The following SLC24A3 variants were observed in gnomAD, a reference collection of about 807,000 sequenced individuals.
SLC24A3 encodes the protein sodium/potassium/calcium exchanger 3.
In SLC24A3, 28 loss-of-function variants were observed where a neutral mutation model predicts 75.8. The observed-to-expected ratio is 0.37, with a 90% CI of 0.27 to 0.51. The LOEUF (loss-of-function observed/expected upper bound fraction) is 0.51, where lower values mean the gene tolerates loss of function less well. SLC24A3 is among the 20% of genes least tolerant of loss of function. The pLI is 0.94. For missense variants in SLC24A3, 663 were observed against 847.8 expected (o/e 0.78, Z 2.71); for synonymous variants, 372 against 334.1 (o/e 1.11, Z -1.24).
chr20:19,711,681 C>T (rs1342255376), intron 15 of SLC24A3, among the ~76,000 whole-genome samples: 1 of 152,150 alleles, frequency 6.6e-6, no homozygotes, highest in East Asian at 1.9e-4. Flanking sequence ...CACTCTGTCG[C>T]CAGGCTGGAG....
At chr20:19,336,584 C>G (rs1985140435) in intron 2 of SLC24A3, among the ~76,000 whole-genome samples, 1 of 152,038 alleles carries the variant, frequency 6.6e-6, no homozygotes, top group Non-Finnish European at 1.5e-5. Flanking sequence ...CCAGGTTTCA[C>G]CATGTTGGCC....
intron 6 of SLC24A3, among the ~76,000 whole-genome samples, chr20:19,617,673 CTG>C (rs1422033046): frequency 1.3e-5 from 2 of 152,310 alleles, no homozygotes; most frequent in African/African-American, 2.4e-5. Context: ...GAGCCAGGGA[CTG>C]TTCCCAGTGG....
chr20:19,324,234 T>G (rs1984786528), intron 2 of SLC24A3, among the ~76,000 whole-genome samples: 1 of 152,194 alleles, frequency 6.6e-6, no homozygotes, highest in African/African-American at 2.4e-5. Flanking sequence ...AAGTGGATGT[T>G]GGGGGGCAAG....
At chr20:19,476,485 C>T (rs1467167949) in intron 2 of SLC24A3, among the ~76,000 whole-genome samples, 1 of 152,080 alleles carries the variant, frequency 6.6e-6, no homozygotes, top group Non-Finnish European at 1.5e-5. Flanking sequence ...AAACATGATC[C>T]ATGAAAGGAA....
chr20:19,245,311 C>A (rs1982455014), intron 1 of SLC24A3, among the ~76,000 whole-genome samples: 1 of 152,048 alleles, frequency 6.6e-6, no homozygotes, highest in South Asian at 2.1e-4. Flanking sequence ...TGGAAATTTT[C>A]TCTGAAATTC....
At chr20:19,290,805 A>G (rs561592840) in intron 2 of SLC24A3, among the ~76,000 whole-genome samples, 1 of 152,282 alleles carries the variant, frequency 6.6e-6, no homozygotes, top group South Asian at 2.1e-4. Flanking sequence ...AAACAGATGA[A>G]TAAAGGGAGA....
intron 16 of SLC24A3, among the ~76,000 whole-genome samples, chr20:19,718,008 C>G (rs1272789745): frequency 6.6e-6 from 1 of 152,206 alleles, no homozygotes; most frequent in East Asian, 1.9e-4. Context: ...TCCACTCTCT[C>G]AGCCATTACG....
At chr20:19,659,641 G>A (rs2032304664) in intron 7 of SLC24A3, among the ~76,000 whole-genome samples, 1 of 152,328 alleles carries the variant, frequency 6.6e-6, no homozygotes, top group South Asian at 2.1e-4. Context: ...GTTAGAGATG[G>A]CATCACCAGG....
At chr20:19,255,475 T>C (rs1982787226) in intron 1 of SLC24A3, among the ~76,000 whole-genome samples, 1 of 152,240 alleles carries the variant, frequency 6.6e-6, no homozygotes, top group Admixed American at 6.5e-5. Context: ...CCAGATGGAT[T>C]TCCATCTTTG....
intron 2 of SLC24A3, among the ~76,000 whole-genome samples, chr20:19,505,703 A>T (rs577811857): frequency 5.3e-4 from 80 of 152,294 alleles, no homozygotes; most frequent in Middle Eastern, 3.4e-3. Flanking sequence ...TGGGGTACTT[A>T]TACACCCACC....
chr20:19,653,508 G>T (rs114454978), intron 6 of SLC24A3, among the ~76,000 whole-genome samples: 3 of 152,212 alleles, frequency 2.0e-5, no homozygotes, highest in Non-Finnish European at 4.4e-5. Flanking sequence ...TCTGAAGGGC[G>T]GCAGCAGCCC....
At chr20:19,325,754 A>G (rs780251605) in intron 2 of SLC24A3, among the ~76,000 whole-genome samples, 35 of 60,398 alleles carry the variant, frequency 5.8e-4, no homozygotes, top group African/African-American at 3.8e-3. Flanking sequence ...GTGTGTGTGT[A>G]TACATACATA....
At chr20:19,524,072 T>TAA (rs2030152142) in intron 3 of SLC24A3, among the ~76,000 whole-genome samples, 2 of 152,148 alleles carry the variant, frequency 1.3e-5, no homozygotes, top group African/African-American at 4.8e-5. Flanking sequence ...AAACACATGT[T>TAA]CTAGCCTGCC....
At chr20:19,312,030 G>A (rs1984470731) in intron 2 of SLC24A3, among the ~76,000 whole-genome samples, 1 of 152,164 alleles carries the variant, frequency 6.6e-6, no homozygotes, top group African/African-American at 2.4e-5. Flanking sequence ...CAGGAAATGA[G>A]CCTCTAATAT....
At chr20:19,254,502 A>G (rs533930164) in intron 1 of SLC24A3, among the ~76,000 whole-genome samples, 1 of 152,360 alleles carries the variant, frequency 6.6e-6, no homozygotes, top group South Asian at 2.1e-4. Context: ...AGAGTCTGTC[A>G]TTCCTCAGCA....
chr20:19,681,958 A>G lies in SLC24A3; in HGVS notation c.868A>G (p.Asn290Asp). 1 of 1,614,208 alleles carries G rather than the reference A, an allele frequency of 6.2e-7. No homozygotes were observed. Among genetic ancestry groups the G allele is most frequent in the South Asian group, 1.1e-5 (1 of 91,086 alleles). ...ANNAEIDDSS[N>D]CDATVVLLKK... ...CAATGCTGAAATTGATGACAGCAGCAACTGCGACGCAACTGTGGTGCTACT... is the reference window on the plus strand; with the variant it reads ...CAATGCTGAAATTGATGACAGCAGCGACTGCGACGCAACTGTGGTGCTACT... Residue 290 changes from asparagine (N) to aspartate (D), a missense_variant, in exon 10 of 17, where the codon AAC (asparagine) becomes GAC (aspartate). Physicochemically the swap from Asn to Asp is conservative, Grantham distance 23. Around this residue, in one of 2 missense-constraint regions of SLC24A3, gnomAD observed 510 missense variants for 703.6 expected, o/e 0.72. Coordinates refer to ENST00000328041, the MANE Select transcript of SLC24A3 (RefSeq NM_020689.4).
chr20:19,674,148 G>A (rs1245222673), intron 9 of SLC24A3, among the ~76,000 whole-genome samples: 1 of 152,200 alleles, frequency 6.6e-6, no homozygotes, highest in East Asian at 1.9e-4. Context: ...CTGGCATGGA[G>A]TTATCATGAG....
chr20:19,364,540 C>G (rs981378595), intron 2 of SLC24A3, among the ~76,000 whole-genome samples: 2 of 152,006 alleles, frequency 1.3e-5, no homozygotes, highest in African/African-American at 4.8e-5. Context: ...ACTGCAGCAT[C>G]AAACTCCCGG....
At chr20:19,635,376 C>T (rs1284641889) in intron 6 of SLC24A3, among the ~76,000 whole-genome samples, 1 of 152,160 alleles carries the variant, frequency 6.6e-6, no homozygotes, top group African/African-American at 2.4e-5. Context: ...TCTCTCTGAG[C>T]TTAAAGCACA....
Sources: allele counts gnomAD v4.1 joint callset (sites outside exome capture counted in the v4.1 genomes callset), GRCh38; gene constraint gnomAD v4.1.1; regional missense constraint gnomAD v4.1.1; transcripts MANE v1.5; gene names NCBI Gene and HGNC (gene_info 2026-07-23, HGNC 2026-07-21).